GAP43: variants seen among roughly 807,000 people sequenced by gnomAD.
GAP43 encodes growth associated protein 43, also known as neuromodulin.
GAP43 carries 6 observed loss-of-function variants against 18.6 expected under a neutral mutation model. The ratio of observed to expected loss-of-function variants is 0.32; its 90% CI spans 0.18 to 0.64. GAP43 has a LOEUF of 0.64. GAP43 is among the 30% of genes least tolerant of loss of function. The pLI, the probability that GAP43 is intolerant of heterozygous loss-of-function variation, is 0.78. For synonymous variants in GAP43, 115 were observed against 111.4 expected, an observed-to-expected ratio of 1.03 and a Z score of -0.20; for missense variants, 292 against 295.5, an observed-to-expected ratio of 0.99 and a Z score of 0.09.
At chr3:115,680,265 T>C (rs1163367950) in intron 2 of GAP43, among the ~76,000 whole-genome samples, 2 of 152,172 alleles carry the variant, frequency 1.3e-5, no homozygotes, top group African/African-American at 4.8e-5. Flanking sequence ...GAGACCAGCC[T>C]GGGCAACAGA....
chr3:115,627,826 G>A (rs540721637), intron 1 of GAP43, among the ~76,000 whole-genome samples: 92 of 152,206 alleles, frequency 6.0e-4, no homozygotes, highest in African/African-American at 2.0e-3. Flanking sequence ...GTGGTCAGGT[G>A]GCTTTTGTAC....
intron 1 of GAP43, among the ~76,000 whole-genome samples, chr3:115,626,064 G>T (rs1284325618): frequency 6.6e-6 from 1 of 152,158 alleles, no homozygotes. Flanking sequence ...AAAGGAAATG[G>T]TGTATTCAGG....
intron 2 of GAP43, among the ~76,000 whole-genome samples, chr3:115,719,369 G>A (rs760153646): frequency 2.6e-5 from 4 of 152,166 alleles, no homozygotes; most frequent in Non-Finnish European, 4.4e-5. Context: ...CTTGGATTTT[G>A]AGAAGATTCT....
rs575927345 is a variant in GAP43, at chr3:115,672,876, A to T, written c.31-3137A>T. ...CTAATCTCTAAAATTTAGTTTTCCT[A>T]AATCTCTAATGATGAAGTCCAGCAG... On this transcript the variant is annotated intron_variant, in intron 1 of 2. Coordinates refer to ENST00000305124, the MANE Select transcript of GAP43 (RefSeq NM_002045.4). 1.1e-4 allele frequency among the ~76,000 whole-genome samples: 17 copies of T among 152,006 alleles called. No individual in the cohort carries two copies. In the South Asian group the frequency reaches 3.5e-3, roughly 32 times the overall value.
At chr3:115,682,510 C>G (rs904747831) in intron 2 of GAP43, among the ~76,000 whole-genome samples, 5 of 152,118 alleles carry the variant, frequency 3.3e-5, no homozygotes, top group African/African-American at 1.2e-4. Flanking sequence ...TATTAAAGAA[C>G]TTAATAGAAG....
intron 2 of GAP43, among the ~76,000 whole-genome samples, chr3:115,720,047 T>G (rs1320216145): frequency 6.6e-6 from 1 of 152,192 alleles, no homozygotes; most frequent in Admixed American, 6.5e-5. Flanking sequence ...TGCAAGAAAC[T>G]GAAAACTATT....
Position 115,716,195 on chromosome 3 carries a change from G to A in GAP43, c.629-4599G>A, listed in dbSNP as rs78478276. ...AGAAAATGTAGATATAAACTAAACA[G>A]TCGACATTATTTATCACTGCAATGA... On this transcript the variant is annotated intron_variant, in intron 2 of 2. Coordinates refer to ENST00000305124, the MANE Select transcript of GAP43 (RefSeq NM_002045.4). 3.6e-3 allele frequency among the ~76,000 whole-genome samples: 541 copies of A among 152,296 alleles called. 6 individuals are homozygous for A. Among genetic ancestry groups the A allele is most frequent in the African/African-American group, 0.012 (519 of 41,574 alleles).
intron 2 of GAP43, among the ~76,000 whole-genome samples, chr3:115,700,490 C>T (rs1230078770): frequency 2.0e-5 from 3 of 152,108 alleles, no homozygotes; most frequent in African/African-American, 4.8e-5. Flanking sequence ...TGAGACACCT[C>T]ATGATTCTCC....
At chr3:115,698,233 T>TA (rs1559804442) in intron 2 of GAP43, among the ~76,000 whole-genome samples, 1 of 36,548 alleles carries the variant, frequency 2.7e-5, no homozygotes, top group African/African-American at 9.3e-5. Context: ...ATATAATATA[T>TA]ATAAAATATA....
At chr3:115,708,937 T>TG in intron 2 of GAP43, among the ~76,000 whole-genome samples, 6 of 119,468 alleles carry the variant, frequency 5.0e-5, no homozygotes, top group African/African-American at 1.9e-4. Context: ...GACAACTGGC[T>TG]GGGTTTTTTT....
intron 1 of GAP43, among the ~76,000 whole-genome samples, chr3:115,627,111 G>A (rs1708198834): frequency 6.9e-6 from 1 of 144,518 alleles, no homozygotes; most frequent in Admixed American, 7.2e-5. Context: ...TATTTGAAGG[G>A]CATTTTCTTT....
rs985379935 is a variant in GAP43, at chr3:115,623,713, C to G, written c.24C>G (p.Thr8=). 2.5e-6 allele frequency: 4 copies of G among 1,614,044 alleles called. No homozygotes were observed. Among genetic ancestry groups the G allele is most frequent in the Non-Finnish European group, 3.4e-6 (4 of 1,179,978 alleles). The change falls in exon 1 of 3, where the codon ACC becomes ACG. Residue 8 remains threonine (T), a synonymous_variant. Transcript: ENST00000305124. ...CCATGCTGTGCTGTATGAGAAGAAC[C>G]AAACAGGTAGAGCTAAAGATTTTTT... MLCCMRR[T]KQVEKNDDDQ... is the part of the protein sequence containing the mutation.
chr3:115,670,722 C>T (rs1448295030), intron 1 of GAP43, among the ~76,000 whole-genome samples: 2 of 152,106 alleles, frequency 1.3e-5, no homozygotes, highest in African/African-American at 2.4e-5. Context: ...TAAGTAGGTA[C>T]TTCCCAGATT....
chr3:115,661,603 C>T (rs1377125465), intron 1 of GAP43, among the ~76,000 whole-genome samples: 1 of 152,164 alleles, frequency 6.6e-6, no homozygotes, highest in Non-Finnish European at 1.5e-5. Flanking sequence ...GTTCTCCTGT[C>T]TCAGCCTCCC....
At chr3:115,701,788 C>G (rs1248790182) in intron 2 of GAP43, among the ~76,000 whole-genome samples, 1 of 152,048 alleles carries the variant, frequency 6.6e-6, no homozygotes, top group Non-Finnish European at 1.5e-5. Flanking sequence ...GACATTCCAC[C>G]CCGCCAACCT....
intron 2 of GAP43, among the ~76,000 whole-genome samples, chr3:115,689,979 A>C (rs1282948269): frequency 6.6e-6 from 1 of 152,250 alleles, no homozygotes; most frequent in African/African-American, 2.4e-5. Context: ...GACTGAGCTG[A>C]GTACCAAGAG....
intron 1 of GAP43, among the ~76,000 whole-genome samples, chr3:115,648,613 T>C (rs969387493): frequency 6.6e-6 from 1 of 152,072 alleles, no homozygotes; most frequent in Non-Finnish European, 1.5e-5. Flanking sequence ...AAGAAATCAC[T>C]AATTGAAGGT....
rs111673314 is a variant in GAP43 at position 115,675,691 on chromosome 3, G to A, written c.31-322G>A. On this transcript the variant is annotated intron_variant, in intron 1 of 2. Transcript: ENST00000305124. ...GGAGAATTGCTTGAACCTGGGAGGC[G>A]GAGGTTGCCGTGAGCTGAGACCACG... 4.0e-5 allele frequency among the ~76,000 whole-genome samples: 6 copies of A among 150,208 alleles called. No individual in the cohort carries two copies. In the East Asian group the frequency reaches 7.8e-4, roughly 20 times the overall value.
chr3:115,666,268 A>G (rs757833759), intron 1 of GAP43, among the ~76,000 whole-genome samples: 2 of 152,136 alleles, frequency 1.3e-5, no homozygotes, highest in Non-Finnish European at 2.9e-5. Context: ...AACAGAGTTG[A>G]GTACTATGGC....
Sources: gnomAD v4.1 joint callset for allele counts (sites outside exome capture counted in the v4.1 genomes callset) on GRCh38, gnomAD v4.1.1 for gene constraint, MANE v1.5 for transcripts, NCBI Gene and HGNC (gene_info 2026-07-23, HGNC 2026-07-21) for gene names.